CHRM3: variants seen among roughly 807,000 people sequenced by gnomAD.
CHRM3 encodes the protein cholinergic receptor muscarinic 3.
In CHRM3, 11 loss-of-function variants were observed where a neutral mutation model predicts 41.8. That is an observed-to-expected ratio of 0.26 (90% CI 0.17 to 0.44). CHRM3 has a LOEUF of 0.44. Ranked by LOEUF, CHRM3 falls within the 20% of genes least tolerant of loss-of-function variation. The probability of loss-of-function intolerance (pLI) is 1.00; values close to 1 mark genes in which losing one functional copy is unlikely to be tolerated. For synonymous variants in CHRM3, 297 were observed against 301.4 expected, an observed-to-expected ratio of 0.99 and a Z score of 0.15; for missense variants, 571 against 745.4, an observed-to-expected ratio of 0.77 and a Z score of 2.72.
At chr1:239,735,981 C>A (rs946810259) in intron 5 of CHRM3, among the ~76,000 whole-genome samples, 6 of 151,976 alleles carry the variant, frequency 3.9e-5, no homozygotes, top group African/African-American at 1.4e-4. Flanking sequence ...AACTTGATCC[C>A]CAACTTCAAT....
intron 3 of CHRM3, among the ~76,000 whole-genome samples, chr1:239,618,615 C>G (rs980580387): frequency 1.3e-5 from 2 of 151,706 alleles, no homozygotes; most frequent in Admixed American, 6.6e-5. Flanking sequence ...GAGGCCAAGG[C>G]GGTCGGATCA....
At chr1:239,675,322 T>C (rs1657885242) in intron 4 of CHRM3, among the ~76,000 whole-genome samples, 2 of 152,226 alleles carry the variant, frequency 1.3e-5, no homozygotes, top group Non-Finnish European at 2.9e-5. Flanking sequence ...CTCAGAGACT[T>C]TTTGACTTGT....
chr1:239,562,547 G>A (rs539550886), intron 3 of CHRM3, among the ~76,000 whole-genome samples: 20 of 152,070 alleles, frequency 1.3e-4, no homozygotes, highest in Non-Finnish European at 2.8e-4. Context: ...TTCCTGGATA[G>A]TAGTGTTCTA....
chr1:239,747,686 CAT>C (rs1177476427), intron 5 of CHRM3, among the ~76,000 whole-genome samples: 2 of 152,172 alleles, frequency 1.3e-5, no homozygotes, highest in African/African-American at 4.8e-5. Context: ...GTATTAGTAA[CAT>C]GTTTTCAAAC....
chr1:239,819,131 G>T (rs144622264), intron 5 of CHRM3, among the ~76,000 whole-genome samples: 2 of 152,104 alleles, frequency 1.3e-5, no homozygotes, highest in African/African-American at 4.8e-5. Flanking sequence ...TACCTGACTG[G>T]AGTCCCTGGC....
chr1:239,543,801 C>T (rs905222257), intron 2 of CHRM3, among the ~76,000 whole-genome samples: 2 of 152,150 alleles, frequency 1.3e-5, no homozygotes, highest in African/African-American at 4.8e-5. Flanking sequence ...AGCCACCGCG[C>T]CCTGCCCAGC....
At chr1:239,889,364 G>A (rs1051802695) in intron 6 of CHRM3, among the ~76,000 whole-genome samples, 1 of 152,114 alleles carries the variant, frequency 6.6e-6, no homozygotes, top group Non-Finnish European at 1.5e-5. Context: ...TGCCTGACCT[G>A]TGCCATGTTG....
At chr1:239,778,311 C>G (rs901302084) in intron 5 of CHRM3, among the ~76,000 whole-genome samples, 10 of 152,100 alleles carry the variant, frequency 6.6e-5, no homozygotes, top group Non-Finnish European at 1.3e-4. Context: ...CCATTTCCAA[C>G]TATTGAGGTA....
intron 6 of CHRM3, among the ~76,000 whole-genome samples, chr1:239,892,622 T>G (rs1334719645): frequency 6.6e-6 from 1 of 152,206 alleles, no homozygotes; most frequent in African/African-American, 2.4e-5. Context: ...AGCTTTAATT[T>G]TTTATGAAAA....
At chr1:239,853,188 T>C (rs1674841596) in intron 6 of CHRM3, among the ~76,000 whole-genome samples, 2 of 151,900 alleles carry the variant, frequency 1.3e-5, no homozygotes, top group African/African-American at 2.4e-5. Context: ...TGAGATTTTA[T>C]TTATAAATAT....
intron 1 of CHRM3, among the ~76,000 whole-genome samples, chr1:239,485,714 C>G (rs1667144488): frequency 6.6e-6 from 1 of 152,188 alleles, no homozygotes; most frequent in African/African-American, 2.4e-5. Flanking sequence ...CCCTCTCTAG[C>G]TCTGTATTTG....
intron 4 of CHRM3, among the ~76,000 whole-genome samples, chr1:239,673,674 C>T (rs1043346110): frequency 2.0e-5 from 3 of 151,722 alleles, no homozygotes. Flanking sequence ...TTCTGAGCAT[C>T]CTTTTAGTTT....
At chr1:239,656,628 G>A (rs1672747823) in intron 4 of CHRM3, among the ~76,000 whole-genome samples, 2 of 151,988 alleles carry the variant, frequency 1.3e-5, no homozygotes, top group Admixed American at 1.3e-4. Context: ...GCAACAGAGC[G>A]AGACCCTATC....
At chr1:239,546,568 A>G (rs931739584) in intron 3 of CHRM3, 1 of 152,172 alleles carries the variant, frequency 6.6e-6, no homozygotes, top group African/African-American at 2.4e-5. Context: ...TAAAATCCTC[A>G]TTAATTTTAA....
chr1:239,838,741 A>G (rs61831566), intron 6 of CHRM3, among the ~76,000 whole-genome samples: 1 of 152,080 alleles, frequency 6.6e-6, no homozygotes. Flanking sequence ...CATAGTTCTC[A>G]TTGTACTACC....
chr1:239,876,942 T>C (rs1436493422), intron 6 of CHRM3, among the ~76,000 whole-genome samples: 1 of 152,234 alleles, frequency 6.6e-6, no homozygotes, highest in Non-Finnish European at 1.5e-5. Flanking sequence ...AAGACATAAA[T>C]GTCATTTTGT....
intron 5 of CHRM3, chr1:239,704,370 A>G (rs1660949520): frequency 6.6e-6 from 1 of 152,142 alleles, no homozygotes; most frequent in African/African-American, 2.4e-5. Flanking sequence ...AAGAAGAATT[A>G]TTGGCAAGAC....
chr1:239,525,441 T>C (rs541376111), intron 2 of CHRM3, among the ~76,000 whole-genome samples: 1 of 136,982 alleles, frequency 7.3e-6, no homozygotes, highest in South Asian at 2.5e-4. Context: ...AATATTTTGG[T>C]TTTCTTTTTG....
At chr1:239,714,075 T>C (rs1361323921) in intron 5 of CHRM3, 2 of 152,132 alleles carry the variant, frequency 1.3e-5, no homozygotes, top group Admixed American at 1.3e-4. Context: ...TAAAACTGCT[T>C]TTTGCTTGCC....
Sources: gnomAD v4.1 joint callset for allele counts (sites outside exome capture counted in the v4.1 genomes callset) on GRCh38, gnomAD v4.1.1 for gene constraint, MANE v1.5 for transcripts, NCBI Gene and HGNC (gene_info 2026-07-23, HGNC 2026-07-21) for gene names.